HOTAIR: variants seen among roughly 807,000 people sequenced by gnomAD.
HOTAIR encodes the protein HOX transcript antisense RNA.
At chr12:53,965,780 GA>G (rs2136371032) in intron 5 of HOTAIR, among the ~76,000 whole-genome samples, 1 of 152,294 alleles carries the variant, frequency 6.6e-6, no homozygotes, top group African/African-American at 2.4e-5. Context: ...ACAGAAAAAA[GA>G]GGAAGAAAAA....
exon 7 of HOTAIR, chr12:53,963,320 C>G (rs918678641): frequency 6.6e-6 from 1 of 152,216 alleles, no homozygotes; most frequent in Non-Finnish European, 1.5e-5. Context: ...ATAACCCAAG[C>G]TTTTTTCCAA....
Position 53,973,492 on chromosome 12 carries a change from AC to A in HOTAIR, n.59+1405del. 1 of 1,613,792 alleles carries A rather than the reference AC, an allele frequency of 6.2e-7. No homozygotes were observed. On this transcript the variant is annotated intron_variant and non_coding_transcript_variant, in intron 1 of 6. Transcript: ENST00000424518. The surrounding 1 kb of genome is among the most constrained non-coding windows in gnomAD (Gnocchi z 4.3). ...GGCCTGGAGCCATCCGGCAAGTGGC[AC>A]CATCGGAACAGCTACTCCTCCTGCT...
intron 6 of HOTAIR, chr12:53,964,182 C>T (rs957502187): frequency 4.0e-5 from 6 of 151,318 alleles, no homozygotes; most frequent in African/African-American, 1.5e-4. Context: ...TGAACACCCC[C>T]AGATAAGCCA....
intron 1 of HOTAIR, chr12:53,968,777 A>G (rs1195205553): frequency 6.6e-6 from 1 of 151,768 alleles, no homozygotes; most frequent in Non-Finnish European, 1.5e-5. Context: ...TCCCAAACAA[A>G]TGATTCTTGC....
intron 5 of HOTAIR, among the ~76,000 whole-genome samples, chr12:53,965,561 T>C (rs142082353): frequency 1.3e-5 from 2 of 152,106 alleles, no homozygotes; most frequent in African/African-American, 2.4e-5. Context: ...AATATTTGTG[T>C]TGTTGTTGTT....
chr12:53,972,182 C>G (rs150779588), intron 1 of HOTAIR, among the ~76,000 whole-genome samples: 2 of 152,226 alleles, frequency 1.3e-5, no homozygotes, highest in African/African-American at 2.4e-5. Flanking sequence ...TTCTTTTCAG[C>G]GCACTAGCTG....
At chr12:53,963,535 G>A (rs1199248163) in exon 7 of HOTAIR, 1 of 152,280 alleles carries the variant, frequency 6.6e-6, no homozygotes, top group Admixed American at 6.5e-5. Flanking sequence ...TGGGTTCCGT[G>A]TAGACGCCGC....
At chr12:53,972,650 C>A (rs924134068) in intron 1 of HOTAIR, among the ~76,000 whole-genome samples, 1 of 152,182 alleles carries the variant, frequency 6.6e-6, no homozygotes, top group African/African-American at 2.4e-5. Context: ...TGTGAACAGG[C>A]GGTGTCTCTG....
chr12:53,967,642 G>A (rs1939079220), intron 2 of HOTAIR, among the ~76,000 whole-genome samples: 1 of 152,168 alleles, frequency 6.6e-6, no homozygotes, highest in South Asian at 2.1e-4. Context: ...GAGTTCGGTG[G>A]ATAGTATTTT....
chr12:53,966,078 C>T (rs1044397783), exon 5 of HOTAIR: 2 of 152,262 alleles, frequency 1.3e-5, no homozygotes, highest in African/African-American at 4.8e-5. Context: ...AATAAAGACG[C>T]CCCTCCTTCC....
chr12:53,964,648 A>C (rs1231559531), intron 5 of HOTAIR, among the ~76,000 whole-genome samples: 1 of 151,490 alleles, frequency 6.6e-6, no homozygotes, highest in Non-Finnish European at 1.5e-5. Flanking sequence ...GTAGAGGGAG[A>C]GAGAGAAAGT....
chr12:53,973,014 C>T lies in HOTAIR; in HGVS notation n.59+1884G>A, dbSNP rs534162030. ...GCAATTGATTTTCATAATGTTTCTGCGGTGTTTGCAAACCAATCGCCTGAA... is the reference window on the plus strand; with the variant it reads ...GCAATTGATTTTCATAATGTTTCTGTGGTGTTTGCAAACCAATCGCCTGAA... On this transcript the variant is annotated intron_variant and non_coding_transcript_variant, in intron 1 of 6. Transcript: ENST00000424518. The surrounding 1 kb of genome is among the most constrained non-coding windows in gnomAD (Gnocchi z 4.3). 132 of 438,464 alleles carry T rather than the reference C, an allele frequency of 3.0e-4. No individual in the cohort carries two copies. Among genetic ancestry groups the T allele is most frequent in the Non-Finnish European group, 4.9e-4 (121 of 249,306 alleles). The allele number at this position is 438,464 out of a possible 1,614,324, so 27.2% of individuals were successfully genotyped here. A position where few individuals can be genotyped will look rare whatever the true frequency, so the allele number is the denominator to read the frequency against.
rs1939176377 is a variant in HOTAIR, at chr12:53,973,125, C to T, written n.59+1773G>A. 2 of 742,940 alleles carry T rather than the reference C, an allele frequency of 2.7e-6. No homozygotes were observed. The highest frequency in any genetic ancestry group is 4.3e-6 in the Non-Finnish European group (2 of 464,486). 46.0% of individuals were successfully genotyped at this position (742,940 alleles called of 1,614,324 possible). A position where few individuals can be genotyped will look rare whatever the true frequency, so the allele number is the denominator to read the frequency against. ...ATATGACAATATCTACTTTGGATCA[C>T]GTGCTCAGAGAGAGAGAGACTAAGA... On this transcript the variant is annotated intron_variant and non_coding_transcript_variant, in intron 1 of 6. Coordinates refer to ENST00000424518, the Ensembl canonical transcript of HOTAIR. The surrounding 1 kb of genome is among the most constrained non-coding windows in gnomAD (Gnocchi z 4.3).
chr12:53,973,262 G>T lies in HOTAIR; in HGVS notation n.59+1636C>A. The T allele has an allele frequency of 6.2e-7, 1 of 1,609,276 alleles. No individual in the cohort carries two copies. On this transcript the variant is annotated intron_variant and non_coding_transcript_variant, in intron 1 of 6. Transcript: ENST00000424518. The surrounding 1 kb of genome is among the most constrained non-coding windows in gnomAD (Gnocchi z 4.3). ...GAACGATGTTTAACTCGGTCAACCT[G>T]GGCAACTTCTGCTCTCCGTCGCGCA...
At chr12:53,965,649 C>G (rs1939037898) in intron 5 of HOTAIR, among the ~76,000 whole-genome samples, 1 of 151,226 alleles carries the variant, frequency 6.6e-6, no homozygotes, top group African/African-American at 2.4e-5. Context: ...GAGAACAAGG[C>G]AAGAGAGAAC....
intron 1 of HOTAIR, chr12:53,974,004 G>A: frequency 8.0e-7 from 1 of 1,242,632 alleles, no homozygotes; most frequent in Non-Finnish European, 1.1e-6. Flanking sequence ...GGGAGGCAAG[G>A]GGAGCGGGGA....
chr12:53,966,119 G>C (rs940910603), intron 4 of HOTAIR: 18 of 152,374 alleles, frequency 1.2e-4, no homozygotes, highest in African/African-American at 4.1e-4. Context: ...CGGGGAAAGC[G>C]GCGGACAGGG....
At position 53,973,646 on chromosome 12, in the gene HOTAIR, C is replaced by A. The variant is rs139414813; in HGVS notation, n.59+1252G>T. On this transcript the variant is annotated intron_variant and non_coding_transcript_variant, in intron 1 of 6. Transcript: ENST00000424518. The surrounding 1 kb of genome is among the most constrained non-coding windows in gnomAD (Gnocchi z 4.3). The stretch of plus-strand genomic sequence containing the variant: ...CCAGCGCCCCGCACGCAACCCCCGC[C>A]GGCTTCTACTCCTCAGTCAACAAGA... The A allele has an allele frequency of 1.2e-6, 2 of 1,613,806 alleles. No homozygotes were observed. The highest frequency in any genetic ancestry group is 1.7e-6 in the Non-Finnish European group (2 of 1,180,036).
intron 1 of HOTAIR, among the ~76,000 whole-genome samples, chr12:53,970,935 G>A (rs1197790032): frequency 3.9e-5 from 6 of 152,140 alleles, no homozygotes; most frequent in East Asian, 1.9e-4. Flanking sequence ...TGGAGAAAGC[G>A]GGATCTGAGA....
Sources: allele counts gnomAD v4.1 joint callset (sites outside exome capture counted in the v4.1 genomes callset), GRCh38; gene constraint gnomAD v4.1.1; non-coding constraint Gnocchi (gnomAD v3.1); transcripts MANE v1.5; gene names NCBI Gene and HGNC (gene_info 2026-07-23, HGNC 2026-07-21).